Variants in AOPEP observed in about 807,000 individuals in gnomAD.
AOPEP encodes the protein aminopeptidase O.
In AOPEP, 77 loss-of-function variants were observed where a neutral mutation model predicts 98.1. The observed-to-expected ratio is 0.78, with a 90% CI of 0.65 to 0.95. The LOEUF is 0.95. Ranked by LOEUF, AOPEP falls within the 40% of genes least tolerant of loss-of-function variation. The pLI, the probability that AOPEP is intolerant of heterozygous loss-of-function variation, is 0.00. For synonymous variants in AOPEP, 346 were observed against 365.3 expected (o/e 0.95, Z 0.60); for missense variants, 1,024 against 1,024.7 (o/e 1.00, Z 0.01).
intron 1 of AOPEP, among the ~76,000 whole-genome samples, chr9:94,739,261 C>A (rs1389630974): frequency 6.6e-6 from 1 of 152,156 alleles, no homozygotes; most frequent in African/African-American, 2.4e-5. Context: ...TGTCTTCAGA[C>A]CCTTTTGGGG....
At chr9:95,076,401 G>C (rs896973282) in intron 14 of AOPEP, among the ~76,000 whole-genome samples, 1 of 152,138 alleles carries the variant, frequency 6.6e-6, no homozygotes, top group African/African-American at 2.4e-5. Flanking sequence ...TTGCATCAGA[G>C]GTTGTTTTCA....
At chr9:94,956,510 C>T (rs1589071105) in intron 9 of AOPEP, among the ~76,000 whole-genome samples, 2 of 152,232 alleles carry the variant, frequency 1.3e-5, no homozygotes, top group African/African-American at 4.8e-5. Flanking sequence ...ATATGCCCAA[C>T]AAGGCCAGAC....
At position 94,845,392 on chromosome 9, in the gene AOPEP, G is replaced by A. The variant is rs576036539; in HGVS notation, c.1364+44390G>A. Reference sequence around the variant, plus strand: ...GAAGTTGCTGAGGACCCAATTCCACGGGGCCTTACAGGGTTTTTATTCTGA... The same window carrying A: ...GAAGTTGCTGAGGACCCAATTCCACAGGGCCTTACAGGGTTTTTATTCTGA... On this transcript the variant is annotated intron_variant, in intron 5 of 16. Coordinates refer to ENST00000375315, the MANE Select transcript of AOPEP (RefSeq NM_001193329.3). Among the ~76,000 whole-genome samples the A allele has an allele frequency of 2.6e-5, 4 of 152,282 alleles. 1 individual carries two copies. In the South Asian group the frequency reaches 6.2e-4, roughly 24 times the overall value.
intron 7 of AOPEP, among the ~76,000 whole-genome samples, chr9:94,954,395 GGAA>G (rs1221061485): frequency 6.6e-6 from 1 of 152,150 alleles, no homozygotes; most frequent in Non-Finnish European, 1.5e-5. Context: ...GGGCCACATT[GGAA>G]GAAGAAGAAT....
In AOPEP at chr9:94,932,039, A is replaced by C. The variant is rs113638419; in HGVS notation, c.1661+3508A>C. ...TCTAACCTCCTCTAGCTGATAAAGA[A>C]GAGAACAGGGATTTAAACCCAGGGA... On this transcript the variant is annotated intron_variant, in intron 7 of 16. Coordinates refer to ENST00000375315, the MANE Select transcript of AOPEP (RefSeq NM_001193329.3). 5.5e-5 allele frequency: 64 copies of C among 1,169,504 alleles called. 4 individuals carry two copies. The African/African-American group carries it at 6.5e-4, about 12-fold the overall frequency. 72.4% of individuals were successfully genotyped at this position (1,169,504 alleles called of 1,614,324 possible). A position where few individuals can be genotyped will look rare whatever the true frequency, so the allele number is the denominator to read the frequency against.
chr9:95,060,155 A>G (rs1047360826), intron 13 of AOPEP, among the ~76,000 whole-genome samples: 1 of 152,138 alleles, frequency 6.6e-6, no homozygotes, highest in South Asian at 2.1e-4. Flanking sequence ...GAGCTTTTTA[A>G]TGGATTATAA....
At chr9:94,847,127 T>TACACACAC (rs57318947) in intron 5 of AOPEP, among the ~76,000 whole-genome samples, 1,471 of 125,156 alleles carry the variant, frequency 0.012, 16 homozygotes, top group East Asian at 0.014. Flanking sequence ...GTTCCCTTTG[T>TACACACAC]ACACACACAC....
chr9:94,876,695 T>G (rs1007487606), intron 5 of AOPEP, among the ~76,000 whole-genome samples: 10 of 152,090 alleles, frequency 6.6e-5, no homozygotes, highest in African/African-American at 2.2e-4. Flanking sequence ...ATTAATTTCC[T>G]TAGTATGTTT....
Position 95,087,001 on chromosome 9 carries a change from T to C in AOPEP, c.*324T>C. On this transcript the variant is annotated 3_prime_UTR_variant, in exon 17 of 17. Transcript: ENST00000375315. ...AGACATTGGAAAACCTGCTGAACAT[T>C]TTACATTGGTCTGCTCAGCACATGG... 1 of 943,170 alleles carries C rather than the reference T, an allele frequency of 1.1e-6. No homozygotes were observed. The highest frequency in any genetic ancestry group is 1.3e-6 in the Non-Finnish European group (1 of 790,322). 58.4% of individuals were successfully genotyped at this position (943,170 alleles called of 1,614,324 possible).
intron 9 of AOPEP, among the ~76,000 whole-genome samples, chr9:94,965,719 A>C (rs1460315661): frequency 6.6e-6 from 1 of 152,176 alleles, no homozygotes; most frequent in Non-Finnish European, 1.5e-5. Context: ...TCCTGTGTGA[A>C]GTCTGTGTCT....
At chr9:95,085,150 T>A in intron 16 of AOPEP, 1 of 434,934 alleles carries the variant, frequency 2.3e-6, no homozygotes, top group South Asian at 1.6e-5. Context: ...GGCGGCAGTG[T>A]CGCCGGCGTC....
chr9:94,982,059 T>A (rs1217680668), intron 11 of AOPEP, among the ~76,000 whole-genome samples: 1 of 152,208 alleles, frequency 6.6e-6, no homozygotes, highest in African/African-American at 2.4e-5. Context: ...ATCCCAACTC[T>A]ATAACCTCTG....
At chr9:94,998,862 C>A (rs2061391147) in intron 11 of AOPEP, among the ~76,000 whole-genome samples, 1 of 152,068 alleles carries the variant, frequency 6.6e-6, no homozygotes, top group Non-Finnish European at 1.5e-5. Context: ...GTTTTGATAC[C>A]AAGAAGTAAA....
intron 9 of AOPEP, among the ~76,000 whole-genome samples, chr9:94,956,384 G>C (rs1233031425): frequency 6.6e-6 from 1 of 152,172 alleles, no homozygotes; most frequent in Non-Finnish European, 1.5e-5. Context: ...CTGCATCCAG[G>C]CTCACGTGTC....
rs145572342 is a variant in AOPEP at position 94,971,261 on chromosome 9, G to A, written c.1916+3460G>A. On this transcript the variant is annotated intron_variant, in intron 10 of 16. Transcript: ENST00000375315. ...ATCACCAATCACATGCCTTTTGATA[G>A]GATACCTCTCCCGGTTAGGATCGTG... Among the ~76,000 whole-genome samples the A allele has an allele frequency of 5.9e-3, 893 of 152,178 alleles. 7 individuals carry two copies. Among genetic ancestry groups the A allele is most frequent in the Non-Finnish European group, 9.4e-3 (636 of 68,004 alleles).
intron 13 of AOPEP, among the ~76,000 whole-genome samples, chr9:95,013,995 A>G (rs1281369933): frequency 2.0e-5 from 3 of 152,180 alleles, no homozygotes; most frequent in Non-Finnish European, 4.4e-5. Context: ...TGTCTGTAAA[A>G]TGAGAATAAC....
chr9:95,097,919 T>C, the AOPEP span, among the ~76,000 whole-genome samples: 101 of 152,234 alleles, frequency 6.6e-4, no homozygotes, highest in Non-Finnish European at 2.5e-4. Flanking sequence ...TGACTTAGGA[T>C]TTTTCGACAA....
At position 94,813,333 on chromosome 9, in the gene AOPEP, G is replaced by C. The variant is rs145921516; in HGVS notation, c.1364+12331G>C. 6.9e-4 allele frequency among the ~76,000 whole-genome samples: 105 copies of C among 152,294 alleles called. 1 individual carries two copies. Among genetic ancestry groups the C allele is most frequent in the African/African-American group, 2.4e-3 (100 of 41,540 alleles). Reference sequence around the variant, plus strand: ...GATCTTGGTTGCTTTGAGTAAACCTGACAGTGTCTGGTTTGATGAAGGTCC... The same window carrying C: ...GATCTTGGTTGCTTTGAGTAAACCTCACAGTGTCTGGTTTGATGAAGGTCC... On this transcript the variant is annotated intron_variant, in intron 5 of 16. Coordinates refer to ENST00000375315, the MANE Select transcript of AOPEP (RefSeq NM_001193329.3).
intron 1 of AOPEP, among the ~76,000 whole-genome samples, chr9:94,738,806 C>G (rs1832384843): frequency 6.6e-6 from 1 of 151,974 alleles, no homozygotes; most frequent in African/African-American, 2.4e-5. Flanking sequence ...GATCTCCTGA[C>G]TTCGTGATCC....
Sources: gnomAD v4.1 joint callset for allele counts (sites outside exome capture counted in the v4.1 genomes callset) on GRCh38, gnomAD v4.1.1 for gene constraint, MANE v1.5 for transcripts, NCBI Gene and HGNC (gene_info 2026-07-23, HGNC 2026-07-21) for gene names.